SPHKAP: variants seen among roughly 807,000 people sequenced by gnomAD.
The protein encoded by SPHKAP is A-kinase anchor protein SPHKAP.
A neutral mutation model predicts 137.5 loss-of-function variants in SPHKAP; 67 were observed. The ratio of observed to expected loss-of-function variants is 0.49; its 90% CI spans 0.40 to 0.60. The LOEUF (loss-of-function observed/expected upper bound fraction) is 0.60, where lower values mean the gene tolerates loss of function less well. Among genes scored for constraint, SPHKAP ranks in the 20% least tolerant of loss-of-function variants. The pLI is 0.00. For missense variants in SPHKAP, 2,097 were observed against 2,069.3 expected, an observed-to-expected ratio of 1.01 and a Z score of -0.26; for synonymous variants, 813 against 785.3, an observed-to-expected ratio of 1.04 and a Z score of -0.59.
At chr2:228,056,392 C>T (rs187642029) in intron 3 of SPHKAP, among the ~76,000 whole-genome samples, 46 of 152,206 alleles carry the variant, frequency 3.0e-4, no homozygotes, top group Middle Eastern at 3.4e-3. Context: ...TGGCCCATGT[C>T]TGTGTTTTTG....
chr2:228,149,511 A>G (rs558107665), intron 1 of SPHKAP, among the ~76,000 whole-genome samples: 1 of 152,342 alleles, frequency 6.6e-6, no homozygotes, highest in East Asian at 1.9e-4. Context: ...GTAAAATATC[A>G]GAGACATAAA....
chr2:227,991,452 T>C (rs1390518907), intron 9 of SPHKAP, 126 bp from the exon 10 acceptor site: 1 of 1,549,226 alleles, frequency 6.5e-7, no homozygotes, highest in Non-Finnish European at 8.7e-7. Context: ...ATTGTTTTTG[T>C]AGAGTAGAGT....
chr2:227,985,181 G>T (rs1252057660), intron 11 of SPHKAP, among the ~76,000 whole-genome samples: 1 of 152,098 alleles, frequency 6.6e-6, no homozygotes, highest in African/African-American at 2.4e-5. Flanking sequence ...GTGGTCACAA[G>T]CTGGAATCTG....
chr2:228,004,965 C>T (rs1319003860), intron 7 of SPHKAP, among the ~76,000 whole-genome samples: 1 of 152,120 alleles, frequency 6.6e-6, no homozygotes, highest in Non-Finnish European at 1.5e-5. Context: ...CTGAGGAGTG[C>T]TTTACTTCCA....
rs533068035 is a variant in SPHKAP, at chr2:228,108,442, A to G, written c.246+390T>C. Among the ~76,000 whole-genome samples the G allele has an allele frequency of 5.9e-5, 9 of 152,260 alleles. No homozygotes were observed. In the East Asian group the frequency reaches 1.5e-3, roughly 26 times the overall value. On this transcript the variant is annotated intron_variant, in intron 3 of 11. Transcript: ENST00000392056. The stretch of plus-strand genomic sequence containing the variant: ...ATAATGACTGTAACATATAAGAATG[A>G]TGGAACATTTGTAGACACTTTTCAT...
At chr2:228,089,004 A>C (rs148830023) in intron 3 of SPHKAP, among the ~76,000 whole-genome samples, 131 of 152,348 alleles carry the variant, frequency 8.6e-4, no homozygotes, top group African/African-American at 3.1e-3. Context: ...AAGATACCTA[A>C]AAATGTGAAA....
chr2:228,131,949 A>G, intron 2 of SPHKAP, 31 bp downstream of exon 2: 1 of 1,602,794 alleles, frequency 6.2e-7, no homozygotes, highest in South Asian at 1.1e-5. Flanking sequence ...AGTTCAACTG[A>G]CAAGAAGAAA....
chr2:228,018,928 G>A lies in SPHKAP; in HGVS notation c.1926C>T (p.Ser642=). 1 of 1,614,152 alleles carries A rather than the reference G, an allele frequency of 6.2e-7. No individual in the cohort carries two copies. The highest frequency in any genetic ancestry group is 8.5e-7 in the Non-Finnish European group (1 of 1,180,020). ...CAGTTTCCATGATTCTCCTGTTCAT[G>A]GAGTCCAGAAAGTCTCCAATGCTGC... The part of the protein sequence containing the change: ...TYSSIGDFLD[S]MNRRIMETAS... The change falls in exon 7 of 12, where the codon TCC becomes TCT. Residue 642 remains serine, a synonymous_variant. Transcript: ENST00000392056.
chr2:228,115,138 G>A (rs10209496), intron 2 of SPHKAP, among the ~76,000 whole-genome samples: 52,298 of 151,950 alleles, frequency 0.34, 9,276 homozygotes, highest in East Asian at 0.5. Flanking sequence ...GCTCATCAGT[G>A]TGTTGGTGTT....
At chr2:228,146,969 A>G (rs1192856769) in intron 1 of SPHKAP, among the ~76,000 whole-genome samples, 1 of 152,226 alleles carries the variant, frequency 6.6e-6, no homozygotes, top group African/African-American at 2.4e-5. Context: ...AATATGTACC[A>G]ATCTCCATCT....
intron 1 of SPHKAP, among the ~76,000 whole-genome samples, chr2:228,138,162 C>A (rs1249077455): frequency 6.6e-6 from 1 of 152,184 alleles, no homozygotes; most frequent in Non-Finnish European, 1.5e-5. Context: ...ACTTTTGATA[C>A]TTAAGTCCTT....
At chr2:228,171,984 A>C (rs1388322245) in intron 1 of SPHKAP, among the ~76,000 whole-genome samples, 1 of 152,152 alleles carries the variant, frequency 6.6e-6, no homozygotes, top group Non-Finnish European at 1.5e-5. Context: ...GAGTCAAAAT[A>C]ACCTTTGAAA....
At position 228,019,775 on chromosome 2, in the gene SPHKAP, G is replaced by A; in HGVS notation, c.1079C>T (p.Ala360Val). 6.2e-7 allele frequency: 1 copy of A among 1,614,098 alleles called. No individual in the cohort carries two copies. Among genetic ancestry groups the A allele is most frequent in the Non-Finnish European group, 8.5e-7 (1 of 1,179,998 alleles). Reference protein sequence around the residue: ...DKDVPSACAVAEQRSNLNPGD... With the variant: ...DKDVPSACAVVEQRSNLNPGD... ...TGGGTTTAGGTTGCTTCTCTGCTCT[G>A]CCACAGCACATGCAGAAGGTACATC... The change falls in exon 7 of 12, where the codon GCA becomes GTA. Residue 360 changes from alanine to valine, a missense_variant. Ala to Val is a moderately conservative substitution (Grantham distance 64). Transcript: ENST00000392056.
intron 7 of SPHKAP, among the ~76,000 whole-genome samples, chr2:228,002,044 T>C (rs933389564): frequency 4.6e-5 from 7 of 152,136 alleles, no homozygotes; most frequent in Non-Finnish European, 8.8e-5. Flanking sequence ...GTGCATGTGT[T>C]TTTATAGCAG....
rs540231539 is a variant in SPHKAP, at chr2:228,105,289, A to G, written c.246+3543T>C. On this transcript the variant is annotated intron_variant, in intron 3 of 11. Coordinates refer to ENST00000392056, the MANE Select transcript of SPHKAP (RefSeq NM_001142644.2). Reference sequence around the variant, plus strand: ...GGCCTAATTTAACTTTTAATTAAAAAAAAAGTCAAGAGTACTGACAAGTTC... The same window carrying G: ...GGCCTAATTTAACTTTTAATTAAAAGAAAAGTCAAGAGTACTGACAAGTTC... 6.6e-5 allele frequency among the ~76,000 whole-genome samples: 10 copies of G among 152,332 alleles called. No individual in the cohort carries two copies. The South Asian group carries it at 2.1e-3, about 32-fold the overall frequency.
intron 1 of SPHKAP, among the ~76,000 whole-genome samples, chr2:228,169,247 T>C (rs768125391): frequency 6.6e-6 from 1 of 152,204 alleles, no homozygotes; most frequent in Non-Finnish European, 1.5e-5. Flanking sequence ...CAACAGATTT[T>C]CAATGTAAAT....
chr2:228,151,383 G>T (rs112046783), intron 1 of SPHKAP, among the ~76,000 whole-genome samples: 10 of 151,364 alleles, frequency 6.6e-5, no homozygotes, highest in Non-Finnish European at 7.4e-5. Flanking sequence ...GAATAGTGCC[G>T]CAATAAACAT....
intron 1 of SPHKAP, among the ~76,000 whole-genome samples, chr2:228,148,835 T>A (rs2106396289): frequency 6.6e-6 from 1 of 152,064 alleles, no homozygotes; most frequent in South Asian, 2.1e-4. Flanking sequence ...GAAACACAAG[T>A]TTTAGTATTA....
At chr2:228,176,118 A>T (rs533207028) in intron 1 of SPHKAP, among the ~76,000 whole-genome samples, 2 of 152,374 alleles carry the variant, frequency 1.3e-5, no homozygotes, top group East Asian at 3.9e-4. Context: ...ATTTTGCCCC[A>T]GAGTGGATAA....
Sources: allele counts gnomAD v4.1 joint callset (sites outside exome capture counted in the v4.1 genomes callset), GRCh38; gene constraint gnomAD v4.1.1; transcripts MANE v1.5; gene names NCBI Gene and HGNC (gene_info 2026-07-23, HGNC 2026-07-21).